The following GSG1L variants were observed in gnomAD, a reference collection of about 807,000 sequenced individuals.
The protein encoded by GSG1L is germ cell-specific gene 1-like protein.
In GSG1L, 24 loss-of-function variants were observed where a neutral mutation model predicts 42.1. The ratio of observed to expected loss-of-function variants is 0.57; its 90% confidence interval spans 0.41 to 0.80. The LOEUF is 0.80. Among genes scored for constraint, GSG1L ranks in the 30% least tolerant of loss-of-function variants. The pLI, the probability that GSG1L is intolerant of heterozygous loss-of-function variation, is 0.00. For missense variants in GSG1L, 445 were observed against 472.2 expected (o/e 0.94, Z 0.53); for synonymous variants, 215 against 203.5 (o/e 1.06, Z -0.48).
intron 5 of GSG1L, among the ~76,000 whole-genome samples, chr16:27,825,223 TG>T (rs928560889): frequency 9.9e-5 from 15 of 152,248 alleles, no homozygotes; most frequent in Non-Finnish European, 1.9e-4. Context: ...CAGAAAACCC[TG>T]AATGAGCTCC....
chr16:27,820,338 C>A (rs988604056), intron 5 of GSG1L, among the ~76,000 whole-genome samples: 57 of 152,056 alleles, frequency 3.7e-4, no homozygotes, highest in Admixed American at 3.7e-3. Flanking sequence ...GGCGTCGGCA[C>A]ACAGGACCAG....
At chr16:27,959,910 A>G (rs1481361820) in intron 2 of GSG1L, among the ~76,000 whole-genome samples, 1 of 152,240 alleles carries the variant, frequency 6.6e-6, no homozygotes, top group Non-Finnish European at 1.5e-5. Context: ...AGCATAAAAC[A>G]AAAAAGACAT....
intron 2 of GSG1L, among the ~76,000 whole-genome samples, chr16:27,934,611 A>AGAG (rs3075542): frequency 0.033 from 5,076 of 152,290 alleles, 291 homozygotes; most frequent in African/African-American, 0.12. Flanking sequence ...AGAATACGGA[A>AGAG]GAGAGAGTGG....
intron 2 of GSG1L, among the ~76,000 whole-genome samples, chr16:27,950,869 G>T (rs1016288613): frequency 6.6e-6 from 1 of 152,062 alleles, no homozygotes; most frequent in African/African-American, 2.4e-5. Context: ...TTCTGTCTTC[G>T]AGATGCTTCC....
chr16:27,795,208 A>C (rs1324592135), intron 6 of GSG1L, among the ~76,000 whole-genome samples: 1 of 152,082 alleles, frequency 6.6e-6, no homozygotes, highest in African/African-American at 2.4e-5. Context: ...CAAATGAAGA[A>C]ACCATGGAGG....
At chr16:27,903,460 G>T (rs1787447548) in intron 2 of GSG1L, among the ~76,000 whole-genome samples, 1 of 152,162 alleles carries the variant, frequency 6.6e-6, no homozygotes, top group African/African-American at 2.4e-5. Context: ...CCCGTGGGAG[G>T]CAGAGTAGAG....
chr16:27,795,920 T>C (rs2082812982), intron 6 of GSG1L, among the ~76,000 whole-genome samples: 1 of 152,112 alleles, frequency 6.6e-6, no homozygotes, highest in African/African-American at 2.4e-5. Context: ...AATTGCTGAA[T>C]TGAATTAAAT....
intron 2 of GSG1L, among the ~76,000 whole-genome samples, chr16:27,895,248 C>T (rs1421122297): frequency 6.6e-6 from 1 of 152,080 alleles, no homozygotes; most frequent in Non-Finnish European, 1.5e-5. Flanking sequence ...GCAAAATGGG[C>T]AAATGCACAA....
At chr16:27,977,058 C>G (rs2085259263) in intron 1 of GSG1L, among the ~76,000 whole-genome samples, 1 of 152,166 alleles carries the variant, frequency 6.6e-6, no homozygotes, top group East Asian at 1.9e-4. Flanking sequence ...ATCCCACAAC[C>G]CGGAAGAGAG....
intron 6 of GSG1L, among the ~76,000 whole-genome samples, chr16:27,801,911 C>T (rs775674332): frequency 2.6e-5 from 4 of 152,178 alleles, no homozygotes; most frequent in African/African-American, 9.7e-5. Context: ...GTCCTGAGAA[C>T]ATGCACAAAG....
intron 5 of GSG1L, among the ~76,000 whole-genome samples, chr16:27,808,752 T>C (rs750626462): frequency 6.6e-6 from 1 of 152,158 alleles, no homozygotes; most frequent in Non-Finnish European, 1.5e-5. Context: ...ACAGTGTTCT[T>C]CCCCACCAAC....
At chr16:27,972,973 G>C (rs1337132557) in intron 1 of GSG1L, among the ~76,000 whole-genome samples, 1 of 152,212 alleles carries the variant, frequency 6.6e-6, no homozygotes, top group African/African-American at 2.4e-5. Flanking sequence ...TCAGTGGTCA[G>C]GGGTCTGACT....
intron 1 of GSG1L, among the ~76,000 whole-genome samples, chr16:28,049,272 G>T (rs553469412): frequency 6.6e-6 from 1 of 152,196 alleles, no homozygotes; most frequent in East Asian, 1.9e-4. Flanking sequence ...CCTTTTAAAA[G>T]GAATACTATG....
At chr16:28,020,769 A>G (rs982060972) in intron 1 of GSG1L, among the ~76,000 whole-genome samples, 4 of 152,190 alleles carry the variant, frequency 2.6e-5, no homozygotes, top group Non-Finnish European at 5.9e-5. Flanking sequence ...GCCAGCTGCC[A>G]TGTTGTGAGG....
At chr16:27,817,072 G>A (rs1328865747) in intron 5 of GSG1L, among the ~76,000 whole-genome samples, 1 of 152,226 alleles carries the variant, frequency 6.6e-6, no homozygotes, top group Non-Finnish European at 1.5e-5. Flanking sequence ...GCAAGTGATG[G>A]AGCTGGGAGA....
intron 2 of GSG1L, among the ~76,000 whole-genome samples, chr16:27,889,892 T>A (rs1221082156): frequency 3.3e-5 from 5 of 152,208 alleles, no homozygotes; most frequent in African/African-American, 1.2e-4. Flanking sequence ...TATCCCCGAA[T>A]CTTCCTAACA....
At chr16:27,858,174 G>A (rs2083603588) in intron 3 of GSG1L, among the ~76,000 whole-genome samples, 1 of 152,170 alleles carries the variant, frequency 6.6e-6, no homozygotes. Flanking sequence ...CACTGGCCAG[G>A]ACCTAAGAAA....
intron 2 of GSG1L, among the ~76,000 whole-genome samples, chr16:27,905,393 T>C (rs2084309351): frequency 6.7e-6 from 1 of 148,458 alleles, no homozygotes; most frequent in African/African-American, 2.5e-5. Flanking sequence ...AGTGCAATCA[T>C]AGCTCACTGC....
intron 1 of GSG1L, among the ~76,000 whole-genome samples, chr16:27,978,943 G>C (rs532087656): frequency 6.6e-6 from 1 of 152,160 alleles, no homozygotes; most frequent in Non-Finnish European, 1.5e-5. Context: ...TCAGCTCCAT[G>C]TTTTGACACC....
Sources: gnomAD v4.1 joint callset for allele counts (sites outside exome capture counted in the v4.1 genomes callset) on GRCh38, gnomAD v4.1.1 for gene constraint, MANE v1.5 for transcripts, NCBI Gene and HGNC (gene_info 2026-07-23, HGNC 2026-07-21) for gene names.